Variants in SNTG2 observed in about 807,000 individuals in gnomAD.
The protein encoded by SNTG2 is syntrophin gamma 2.
In SNTG2, 74 loss-of-function variants were observed where a neutral mutation model predicts 70.9. That is an observed-to-expected ratio of 1.04 (90% CI 0.86 to 1.27). The LOEUF (loss-of-function observed/expected upper bound fraction) is 1.27. SNTG2 is among the 50% of genes most tolerant of loss of function. SNTG2 has a pLI of 0.00. For missense variants in SNTG2, 717 were observed against 690.7 expected (o/e 1.04, Z -0.43); for synonymous variants, 278 against 273.8 (o/e 1.02, Z -0.15).
intron 14 of SNTG2, among the ~76,000 whole-genome samples, chr2:1,283,395 C>G (rs1021966573): frequency 1.3e-5 from 2 of 152,184 alleles, no homozygotes; most frequent in Non-Finnish European, 2.9e-5. Flanking sequence ...GGCCCTTGTG[C>G]TCATCAGCAC....
intron 16 of SNTG2, among the ~76,000 whole-genome samples, chr2:1,346,743 A>G (rs892744442): frequency 2.0e-5 from 3 of 152,150 alleles, no homozygotes. Flanking sequence ...AGGCTGACAG[A>G]ATCTCATGTG....
intron 16 of SNTG2, among the ~76,000 whole-genome samples, chr2:1,338,677 T>C (rs180987209): frequency 5.9e-5 from 9 of 152,314 alleles, no homozygotes; most frequent in Admixed American, 5.2e-4. Flanking sequence ...GTCTTCAAGG[T>C]CCATCCATGT....
Position 1,360,463 on chromosome 2 carries a change from T to C in SNTG2, c.1489-6880T>C, listed in dbSNP as rs1378193035. On this transcript the variant is annotated intron_variant, in intron 16 of 16. Transcript: ENST00000308624. ...CCAGCAGCACAGCTTAGAAGGAAGG[T>C]ATAGGGTGGAAGTTCAAAAGGATCA... Among the ~76,000 whole-genome samples, 3 of 151,976 alleles carry C rather than the reference T, an allele frequency of 2.0e-5. No individual in the cohort carries two copies. In the South Asian group the frequency reaches 6.3e-4, roughly 32 times the overall value.
At chr2:1,312,393 C>T (rs1681043767) in intron 15 of SNTG2, among the ~76,000 whole-genome samples, 1 of 152,160 alleles carries the variant, frequency 6.6e-6, no homozygotes, top group African/African-American at 2.4e-5. Flanking sequence ...GACTTCCCTC[C>T]TGTTCCATGT....
chr2:1,049,687 A>C (rs1329997778), intron 1 of SNTG2, among the ~76,000 whole-genome samples: 2 of 152,214 alleles, frequency 1.3e-5, no homozygotes, highest in Non-Finnish European at 2.9e-5. Flanking sequence ...TGATATGGTG[A>C]AACTATGTTT....
At chr2:1,295,958 T>C (rs1215762749) in intron 14 of SNTG2, among the ~76,000 whole-genome samples, 2 of 151,376 alleles carry the variant, frequency 1.3e-5, no homozygotes, top group Non-Finnish European at 2.9e-5. Flanking sequence ...TGGCTTTCAC[T>C]GTAGAAGGCT....
chr2:1,247,223 G>A (rs1439730268), intron 11 of SNTG2, 104 bp from the exon 12 acceptor site: 1 of 648,646 alleles, frequency 1.5e-6, no homozygotes, highest in Non-Finnish European at 2.8e-6. Context: ...CTGATTCTGG[G>A]TGTGTTGACC....
chr2:1,037,967 T>C (rs2148050331), intron 1 of SNTG2, among the ~76,000 whole-genome samples: 1 of 152,310 alleles, frequency 6.6e-6, no homozygotes, highest in African/African-American at 2.4e-5. Context: ...TTGGGTGGGC[T>C]TGCTATGTCA....
chr2:1,308,507 T>G lies in SNTG2; in HGVS notation c.1298T>G (p.Met433Arg), dbSNP rs900573326. ...ACTTTTTTCTAGTCCAGAACATACA[T>G]GTGCAGCTGGCAAGGAGAGATGCTG... ...EVQRTGSRTYMCSWQGEMLCF... is the reference protein window; with the variant it reads ...EVQRTGSRTYRCSWQGEMLCF... The change falls in exon 15 of 17, where the codon ATG becomes AGG. Residue 433 changes from methionine to arginine, a missense_variant. Coordinates refer to ENST00000308624, the MANE Select transcript of SNTG2 (RefSeq NM_018968.4). The G allele has an allele frequency of 1.4e-5, 21 of 1,551,562 alleles. No individual in the cohort carries two copies. The African/African-American group carries it at 2.7e-4, about 20-fold the overall frequency.
intron 9 of SNTG2, among the ~76,000 whole-genome samples, chr2:1,217,135 A>C (rs1311321374): frequency 6.6e-6 from 1 of 152,172 alleles, no homozygotes; most frequent in Non-Finnish European, 1.5e-5. Context: ...TTTAAAAAAA[A>C]AAGACTATAA....
At chr2:1,282,522 CTG>C (rs1298735179) in intron 14 of SNTG2, among the ~76,000 whole-genome samples, 1 of 152,240 alleles carries the variant, frequency 6.6e-6, no homozygotes, top group Non-Finnish European at 1.5e-5. Flanking sequence ...TGAGTGGCAT[CTG>C]TGCTGGATGC....
chr2:1,061,594 CT>C (rs1199783801), intron 1 of SNTG2, among the ~76,000 whole-genome samples: 1 of 152,196 alleles, frequency 6.6e-6, no homozygotes, highest in African/African-American at 2.4e-5. Flanking sequence ...TCATCTGGCC[CT>C]CTTGGTGCTT....
At chr2:1,235,713 A>G (rs1676605081) in intron 9 of SNTG2, among the ~76,000 whole-genome samples, 1 of 152,206 alleles carries the variant, frequency 6.6e-6, no homozygotes, top group African/African-American at 2.4e-5. Context: ...GGATCCAGGA[A>G]AAGCTGCCCC....
intron 8 of SNTG2, among the ~76,000 whole-genome samples, chr2:1,192,585 C>A (rs932491415): frequency 6.6e-6 from 1 of 151,990 alleles, no homozygotes; most frequent in South Asian, 2.1e-4. Flanking sequence ...AAGCAAGGCT[C>A]CATCTCAAAT....
intron 1 of SNTG2, among the ~76,000 whole-genome samples, chr2:1,031,526 A>ATTTT (rs1660820699): frequency 1.7e-4 from 9 of 54,154 alleles, no homozygotes; most frequent in African/African-American, 2.9e-4. Flanking sequence ...ATATATATAT[A>ATTTT]TATTTTTTTT....
intron 6 of SNTG2, among the ~76,000 whole-genome samples, chr2:1,159,173 G>A (rs536912018): frequency 1.7e-4 from 25 of 150,992 alleles, no homozygotes; most frequent in Admixed American, 4.0e-4. Context: ...GCATGAGTGC[G>A]TATGTGGAAT....
In SNTG2 at chr2:1,083,515, C is replaced by T. The variant is rs942646805; in HGVS notation, c.73-3C>T. 2 of 1,613,550 alleles carry T rather than the reference C, an allele frequency of 1.2e-6. No individual in the cohort carries two copies. Among genetic ancestry groups the T allele is most frequent in the South Asian group, 1.1e-5 (1 of 91,054 alleles). On this transcript the variant is annotated splice_polypyrimidine_tract_variant and splice_region_variant and intron_variant, in intron 1 of 16. Coordinates refer to ENST00000308624, the MANE Select transcript of SNTG2 (RefSeq NM_018968.4). ...TTTTTGTGTTTCCACTTTGTCCCTA[C>T]AGACGAAAACCACTATTGCTCTGTT...
chr2:1,303,729 AAG>A (rs1279631899), intron 14 of SNTG2, among the ~76,000 whole-genome samples: 1 of 152,224 alleles, frequency 6.6e-6, no homozygotes, highest in Non-Finnish European at 1.5e-5. Context: ...TCACAAAAAA[AAG>A]AGGAGAAAAA....
intron 1 of SNTG2, among the ~76,000 whole-genome samples, chr2:1,052,295 C>G (rs1242459685): frequency 1.3e-5 from 2 of 152,106 alleles, no homozygotes; most frequent in African/African-American, 4.8e-5. Flanking sequence ...TTTTAAGTTA[C>G]GTACAGGAAT....
Sources: allele counts gnomAD v4.1 joint callset (sites outside exome capture counted in the v4.1 genomes callset), GRCh38; gene constraint gnomAD v4.1.1; transcripts MANE v1.5; gene names NCBI Gene and HGNC (gene_info 2026-07-23, HGNC 2026-07-21).